The following GPC5 variants were observed in gnomAD, a reference collection of about 807,000 sequenced individuals.
The protein encoded by GPC5 is glypican 5.
Under a neutral mutation model 53.9 loss-of-function variants are expected in GPC5, and 47 were observed. The ratio of observed to expected loss-of-function variants is 0.87; its 90% CI spans 0.69 to 1.11. The LOEUF (loss-of-function observed/expected upper bound fraction) is 1.11. Ranked by LOEUF, GPC5 falls within the 50% of genes most tolerant of loss-of-function variation. The probability of loss-of-function intolerance (pLI) is 0.00; values close to 1 mark genes in which losing one functional copy is unlikely to be tolerated. For missense variants in GPC5, 748 were observed against 713.1 expected (o/e 1.05, Z -0.56); for synonymous variants, 286 against 263.3 (o/e 1.09, Z -0.84).
intron 6 of GPC5, among the ~76,000 whole-genome samples, chr13:92,047,095 AT>A (rs1418827523): frequency 6.6e-6 from 1 of 152,120 alleles, no homozygotes; most frequent in Non-Finnish European, 1.5e-5. Flanking sequence ...TGTGTGCAAT[AT>A]TTCCTCTTGC....
intron 6 of GPC5, among the ~76,000 whole-genome samples, chr13:91,973,022 A>G (rs2040259228): frequency 6.6e-6 from 1 of 152,118 alleles, no homozygotes; most frequent in Admixed American, 6.5e-5. Context: ...CTGCCTTGCT[A>G]GATTGGGGGA....
At chr13:91,462,932 A>G (rs1882025217) in intron 2 of GPC5, among the ~76,000 whole-genome samples, 1 of 152,112 alleles carries the variant, frequency 6.6e-6, no homozygotes, top group Admixed American at 6.6e-5. Flanking sequence ...ATGAAATTAT[A>G]TATTTTGAAT....
At chr13:91,692,695 G>A (rs1473520309) in intron 2 of GPC5, among the ~76,000 whole-genome samples, 4 of 152,136 alleles carry the variant, frequency 2.6e-5, no homozygotes, top group Non-Finnish European at 5.9e-5. Flanking sequence ...CGAGGCTGGA[G>A]TGCAATGGTG....
At chr13:91,721,137 C>CTTTCTTTCTTTCTTTCTTTCTTTG (rs1181362469) in intron 3 of GPC5, among the ~76,000 whole-genome samples, 71 of 92,132 alleles carry the variant, frequency 7.7e-4, no homozygotes, top group African/African-American at 2.6e-3. Flanking sequence ...TTCTTTCTTT[C>CTTTCTTTCTTTCTTTCTTTCTTTG]TTTTTTTGGG....
intron 7 of GPC5, among the ~76,000 whole-genome samples, chr13:92,685,782 A>G (rs1168188758): frequency 9.4e-6 from 1 of 106,758 alleles, no homozygotes; most frequent in African/African-American, 3.9e-5. Context: ...CTCATTGTTC[A>G]GTTCCCACCT....
At chr13:91,830,142 AG>A (rs936021160) in intron 5 of GPC5, among the ~76,000 whole-genome samples, 1 of 152,014 alleles carries the variant, frequency 6.6e-6, no homozygotes, top group Non-Finnish European at 1.5e-5. Context: ...AGCCACGCCC[AG>A]GGGGGCCGTG....
At chr13:91,922,370 C>T (rs2039724057) in intron 6 of GPC5, among the ~76,000 whole-genome samples, 1 of 152,048 alleles carries the variant, frequency 6.6e-6, no homozygotes, top group African/African-American at 2.4e-5. Flanking sequence ...CCTGGTCTTC[C>T]ATCTTTACAG....
intron 1 of GPC5, among the ~76,000 whole-genome samples, chr13:91,410,303 A>G (rs2138936209): frequency 6.6e-6 from 1 of 150,378 alleles, no homozygotes; most frequent in East Asian, 2.0e-4. Flanking sequence ...TTGGTCAGGG[A>G]GCAGACAGAG....
chr13:92,482,130 T>A (rs1879382143), intron 7 of GPC5, among the ~76,000 whole-genome samples: 1 of 146,518 alleles, frequency 6.8e-6, no homozygotes, highest in African/African-American at 2.5e-5. Context: ...AAACTCTGCC[T>A]AAAAAAAAAA....
At chr13:91,617,777 T>C (rs1223013786) in intron 2 of GPC5, among the ~76,000 whole-genome samples, 1 of 152,096 alleles carries the variant, frequency 6.6e-6, no homozygotes, top group Non-Finnish European at 1.5e-5. Context: ...AGACCAACAG[T>C]CTGAAAATTG....
chr13:92,271,307 AAGG>A (rs1023396068), intron 7 of GPC5, among the ~76,000 whole-genome samples: 4 of 152,224 alleles, frequency 2.6e-5, no homozygotes, highest in African/African-American at 9.6e-5. Flanking sequence ...CTAAGTGTAG[AAGG>A]AGAACTACCT....
At position 91,991,757 on chromosome 13, in the gene GPC5, G is replaced by C. The variant is rs2040458517; in HGVS notation, c.1401+83700G>C. 3.9e-5 allele frequency among the ~76,000 whole-genome samples: 6 copies of C among 152,038 alleles called. 1 individual carries two copies. In the South Asian group the frequency reaches 1.2e-3, roughly 32 times the overall value. On this transcript the variant is annotated intron_variant, in intron 6 of 7. Coordinates refer to ENST00000377067, the MANE Select transcript of GPC5 (RefSeq NM_004466.6). ...TAAAATGTTCTGTCTGGTTAGAATT[G>C]GTTCATGAATTCTATTTTTTGTCTT...
intron 7 of GPC5, among the ~76,000 whole-genome samples, chr13:92,284,626 A>G (rs2042940454): frequency 6.6e-6 from 1 of 152,136 alleles, no homozygotes; most frequent in African/African-American, 2.4e-5. Flanking sequence ...TATAAACAGA[A>G]CCAAAGACAA....
intron 2 of GPC5, among the ~76,000 whole-genome samples, chr13:91,633,277 G>A (rs148108936): frequency 2.9e-4 from 44 of 152,216 alleles, no homozygotes; most frequent in African/African-American, 9.6e-4. Context: ...CTGGACATCT[G>A]ACATAGATGG....
rs143520114 is a variant in GPC5, at chr13:92,330,825, A to C, written c.1561+185836A>C. On this transcript the variant is annotated intron_variant, in intron 7 of 7. Coordinates refer to ENST00000377067, the MANE Select transcript of GPC5 (RefSeq NM_004466.6). ...TCAGGTGTGGGCCATGGTGGAGCCG[A>C]GGTCAACAATGGCTGACCAGCACAC... 7.9e-5 allele frequency among the ~76,000 whole-genome samples: 12 copies of C among 152,222 alleles called. No homozygotes were observed. In the East Asian group the frequency reaches 2.3e-3, roughly 29 times the overall value.
chr13:92,129,038 G>C (rs1171699188), intron 6 of GPC5, among the ~76,000 whole-genome samples: 1 of 152,116 alleles, frequency 6.6e-6, no homozygotes, highest in Non-Finnish European at 1.5e-5. Context: ...GCAAGGGAGA[G>C]AGCCTGCCTC....
Position 91,693,735 on chromosome 13 carries a change from T to A in GPC5, c.874T>A (p.Trp292Arg). 6.2e-7 allele frequency: 1 copy of A among 1,614,164 alleles called. No individual in the cohort carries two copies. The highest frequency in any genetic ancestry group is 8.5e-7 in the Non-Finnish European group (1 of 1,180,024). Residue 292 changes from tryptophan (W) to arginine (R), a missense_variant, in exon 3 of 8, where the codon TGG (tryptophan) becomes AGG (arginine). Transcript: ENST00000377067. ...GCACATGGCGGAGCTTAATCCACAC[T>A]GGCATGCATATATCCGGTCGTTGGA... ...LAHMAELNPH[W>R]HAYIRSLEEL...
intron 6 of GPC5, among the ~76,000 whole-genome samples, chr13:91,964,639 C>T (rs1233936105): frequency 6.6e-6 from 1 of 152,106 alleles, no homozygotes; most frequent in African/African-American, 2.4e-5. Context: ...ATTTATAATC[C>T]TTTAGCTAGA....
At chr13:91,769,834 G>T (rs1206966823) in intron 5 of GPC5, among the ~76,000 whole-genome samples, 1 of 152,070 alleles carries the variant, frequency 6.6e-6, no homozygotes, top group East Asian at 1.9e-4. Flanking sequence ...CAGAAGTGTG[G>T]GAGTTTCTCC....
Sources: gnomAD v4.1 joint callset for allele counts (sites outside exome capture counted in the v4.1 genomes callset) on GRCh38, gnomAD v4.1.1 for gene constraint, MANE v1.5 for transcripts, NCBI Gene and HGNC (gene_info 2026-07-23, HGNC 2026-07-21) for gene names.